ATRNL1: variants seen among roughly 807,000 people sequenced by gnomAD.
The protein encoded by ATRNL1 is attractin-like protein 1.
A neutral mutation model predicts 182.7 loss-of-function variants in ATRNL1; 95 were observed. The observed-to-expected ratio is 0.52, with a 90% confidence interval of 0.44 to 0.62. The LOEUF (loss-of-function observed/expected upper bound fraction) is 0.62. Ranked by LOEUF, ATRNL1 falls within the 20% of genes least tolerant of loss-of-function variation. The pLI is 0.00. For synonymous variants in ATRNL1, 576 were observed against 568.3 expected, an observed-to-expected ratio of 1.01 and a Z score of -0.19; for missense variants, 1,471 against 1,679.5, an observed-to-expected ratio of 0.88 and a Z score of 2.17.
chr10:115,660,421 T>C (rs1860609650), intron 26 of ATRNL1, among the ~76,000 whole-genome samples: 1 of 152,122 alleles, frequency 6.6e-6, no homozygotes. Context: ...GTAGTAATTA[T>C]ATAGATAAGT....
chr10:115,661,775 A>ATTT (rs71010039), intron 26 of ATRNL1, among the ~76,000 whole-genome samples: 1 of 151,784 alleles, frequency 6.6e-6, no homozygotes, highest in Admixed American at 6.6e-5. Flanking sequence ...TTAAAATTGC[A>ATTT]TTTTTTTTAT....
chr10:115,458,509 A>G (rs1350443521), intron 21 of ATRNL1, among the ~76,000 whole-genome samples: 1 of 152,048 alleles, frequency 6.6e-6, no homozygotes, highest in Non-Finnish European at 1.5e-5. Flanking sequence ...GATCATTACC[A>G]TACACAAGAT....
chr10:115,507,255 G>A (rs1554981537), intron 24 of ATRNL1, among the ~76,000 whole-genome samples: 1 of 151,994 alleles, frequency 6.6e-6, no homozygotes, highest in Non-Finnish European at 1.5e-5. Context: ...TGGGAAGCAG[G>A]TTGGCTCTAG....
chr10:115,309,366 G>C (rs1170982062), intron 17 of ATRNL1, among the ~76,000 whole-genome samples: 2 of 152,090 alleles, frequency 1.3e-5, no homozygotes, highest in Non-Finnish European at 2.9e-5. Flanking sequence ...GTTTTGGGCA[G>C]TATGATTATT....
chr10:115,459,784 A>T (rs1248051758), intron 21 of ATRNL1, among the ~76,000 whole-genome samples: 3 of 151,914 alleles, frequency 2.0e-5, no homozygotes, highest in African/African-American at 7.3e-5. Flanking sequence ...CCCTAATAAA[A>T]ACTTGCTGGT....
intron 27 of ATRNL1, among the ~76,000 whole-genome samples, chr10:115,843,682 T>A (rs1378393448): frequency 6.6e-6 from 1 of 152,052 alleles, no homozygotes; most frequent in Non-Finnish European, 1.5e-5. Flanking sequence ...AGGATGTGAT[T>A]AGATGAGTAT....
chr10:115,279,760 C>G (rs1302345004), intron 13 of ATRNL1, among the ~76,000 whole-genome samples: 1 of 152,068 alleles, frequency 6.6e-6, no homozygotes, highest in Non-Finnish European at 1.5e-5. Flanking sequence ...AGGTGTAGAC[C>G]AATGTTCAAT....
chr10:115,428,015 G>A (rs1441686137), intron 21 of ATRNL1, among the ~76,000 whole-genome samples: 1 of 151,318 alleles, frequency 6.6e-6, no homozygotes, highest in Non-Finnish European at 1.5e-5. Flanking sequence ...GGGGAGAATT[G>A]GCATGTTAAC....
At chr10:115,111,463 G>A (rs960238936) in intron 1 of ATRNL1, among the ~76,000 whole-genome samples, 3 of 152,264 alleles carry the variant, frequency 2.0e-5, no homozygotes, top group East Asian at 1.9e-4. Context: ...CTTGTATTGC[G>A]GGGCTCAGGC....
chr10:115,173,192 G>A (rs937051385), intron 8 of ATRNL1, among the ~76,000 whole-genome samples: 3 of 152,088 alleles, frequency 2.0e-5, no homozygotes, highest in South Asian at 2.1e-4. Flanking sequence ...TCATGACAAC[G>A]TTGAGGCAGA....
chr10:115,479,293 A>G (rs782235200), intron 24 of ATRNL1, among the ~76,000 whole-genome samples: 10 of 151,618 alleles, frequency 6.6e-5, no homozygotes, highest in Non-Finnish European at 1.0e-4. Context: ...TATGAATGGA[A>G]TTCTAGAAAT....
At chr10:115,340,437 G>A (rs565873409) in intron 19 of ATRNL1, among the ~76,000 whole-genome samples, 17 of 150,540 alleles carry the variant, frequency 1.1e-4, no homozygotes, top group African/African-American at 2.2e-4. Context: ...CACCACACCC[G>A]GCTAGTTTTC....
chr10:115,621,447 C>T (rs931946853), intron 26 of ATRNL1, among the ~76,000 whole-genome samples: 4 of 151,656 alleles, frequency 2.6e-5, no homozygotes, highest in African/African-American at 9.7e-5. Context: ...GGCTACAGGC[C>T]CATACCACCA....
chr10:115,735,724 C>T (rs782246363), intron 27 of ATRNL1, among the ~76,000 whole-genome samples: 1 of 152,162 alleles, frequency 6.6e-6, no homozygotes, highest in Non-Finnish European at 1.5e-5. Context: ...GTAATTTATA[C>T]AGTGTAGATG....
chr10:115,590,969 T>G (rs1403106282), intron 26 of ATRNL1, among the ~76,000 whole-genome samples: 1 of 152,168 alleles, frequency 6.6e-6, no homozygotes, highest in Non-Finnish European at 1.5e-5. Flanking sequence ...ATCCTTCTGT[T>G]TCAATGATCT....
chr10:115,237,467 A>G (rs1382134152), intron 9 of ATRNL1, among the ~76,000 whole-genome samples: 1 of 152,188 alleles, frequency 6.6e-6, no homozygotes, highest in Admixed American at 6.5e-5. Context: ...TTTAATCTGC[A>G]TTTCCCTGTG....
intron 24 of ATRNL1, among the ~76,000 whole-genome samples, chr10:115,513,175 G>T (rs543991409): frequency 6.6e-6 from 1 of 152,052 alleles, no homozygotes; most frequent in Non-Finnish European, 1.5e-5. Context: ...AGTTTTATTA[G>T]AAGGGGCCTG....
chr10:115,419,643 T>C (rs1413772642), intron 20 of ATRNL1, among the ~76,000 whole-genome samples: 6 of 152,120 alleles, frequency 3.9e-5, no homozygotes, highest in African/African-American at 1.4e-4. Flanking sequence ...ATGAACAAAA[T>C]AGACTTTAAG....
chr10:115,802,021 A>AACACACACACACACACACACACGC (rs1949806002), intron 27 of ATRNL1, among the ~76,000 whole-genome samples: 1 of 125,964 alleles, frequency 7.9e-6, no homozygotes, highest in Non-Finnish European at 1.6e-5. Context: ...AAAAAAAAGA[A>AACACACACACACACACACACACGC]ACACACACAC....
Sources: gnomAD v4.1 joint callset for allele counts (sites outside exome capture counted in the v4.1 genomes callset) on GRCh38, gnomAD v4.1.1 for gene constraint, MANE v1.5 for transcripts, NCBI Gene and HGNC (gene_info 2026-07-23, HGNC 2026-07-21) for gene names.